Variants in SSBP2 observed in about 807,000 individuals in gnomAD.
SSBP2 encodes single-stranded DNA-binding protein 2.
SSBP2 carries 17 observed loss-of-function variants against 61.8 expected under a neutral mutation model. That is an observed-to-expected ratio of 0.28 (90% confidence interval 0.19 to 0.41). SSBP2 has a LOEUF of 0.41. Among genes scored for constraint, SSBP2 ranks in the 10% least tolerant of loss-of-function variants. The probability of loss-of-function intolerance (pLI) is 1.00; values close to 1 mark genes in which losing one functional copy is unlikely to be tolerated. For synonymous variants in SSBP2, 139 were observed against 141.3 expected, an observed-to-expected ratio of 0.98 and a Z score of 0.12; for missense variants, 310 against 458.7, an observed-to-expected ratio of 0.68 and a Z score of 2.96.
intron 4 of SSBP2, among the ~76,000 whole-genome samples, chr5:81,516,689 T>C (rs1283972743): frequency 1.3e-5 from 2 of 152,104 alleles, no homozygotes; most frequent in Non-Finnish European, 2.9e-5. Flanking sequence ...GTACACTAAA[T>C]GGTGCTCTCA....
intron 4 of SSBP2, among the ~76,000 whole-genome samples, chr5:81,543,634 A>T (rs868163984): frequency 6.6e-6 from 1 of 152,154 alleles, no homozygotes; most frequent in African/African-American, 2.4e-5. Context: ...AAACCTACAT[A>T]TATGTATCCT....
intron 5 of SSBP2, among the ~76,000 whole-genome samples, chr5:81,509,744 A>C (rs1407678439): frequency 6.6e-6 from 1 of 152,196 alleles, no homozygotes; most frequent in Non-Finnish European, 1.5e-5. Context: ...TATCAAATTC[A>C]AATATATCTG....
chr5:81,477,909 T>A (rs532022553), intron 6 of SSBP2, among the ~76,000 whole-genome samples: 70 of 152,122 alleles, frequency 4.6e-4, no homozygotes, highest in Non-Finnish European at 9.4e-4. Flanking sequence ...GAATGAGAAG[T>A]AAGAAGATAA....
chr5:81,676,028 T>C (rs529168210), intron 1 of SSBP2, among the ~76,000 whole-genome samples: 5 of 152,182 alleles, frequency 3.3e-5, no homozygotes, highest in Non-Finnish European at 7.3e-5. Context: ...GCTGCAGATG[T>C]ATTTATTCAA....
intron 2 of SSBP2, among the ~76,000 whole-genome samples, chr5:81,637,700 G>A (rs766726007): frequency 5.9e-5 from 9 of 152,138 alleles, no homozygotes; most frequent in Non-Finnish European, 1.3e-4. Context: ...AAACTGGTTA[G>A]TACATGAAAA....
intron 10 of SSBP2, among the ~76,000 whole-genome samples, chr5:81,450,203 T>G (rs1286182343): frequency 6.6e-6 from 1 of 152,102 alleles, no homozygotes; most frequent in Non-Finnish European, 1.5e-5. Flanking sequence ...TTTAATTTTT[T>G]GTAGAGATGG....
chr5:81,539,417 T>C (rs1428460849), intron 4 of SSBP2, among the ~76,000 whole-genome samples: 70 of 152,188 alleles, frequency 4.6e-4, no homozygotes, highest in Admixed American at 4.5e-3. Context: ...CTGAAACGAT[T>C]ACAAAAGATT....
chr5:81,635,113 G>A (rs1012422924), intron 3 of SSBP2, among the ~76,000 whole-genome samples: 6 of 152,072 alleles, frequency 3.9e-5, no homozygotes. Context: ...GGTTTGCATG[G>A]AGAAACAGGC....
At chr5:81,743,395 C>G (rs1365089077) in intron 1 of SSBP2, among the ~76,000 whole-genome samples, 1 of 152,176 alleles carries the variant, frequency 6.6e-6, no homozygotes, top group African/African-American at 2.4e-5. Flanking sequence ...CCCAATCTAG[C>G]ATAGCCTCCC....
At chr5:81,573,726 A>C (rs982609971) in intron 4 of SSBP2, among the ~76,000 whole-genome samples, 1 of 152,220 alleles carries the variant, frequency 6.6e-6, no homozygotes, top group African/African-American at 2.4e-5. Flanking sequence ...ACACAATAAA[A>C]AAATCCAGGG....
chr5:81,679,432 A>G (rs752585936), intron 1 of SSBP2, among the ~76,000 whole-genome samples: 1 of 152,242 alleles, frequency 6.6e-6, no homozygotes, highest in African/African-American at 2.4e-5. Context: ...GACAGCAACA[A>G]TAAAAGGAAT....
chr5:81,652,600 T>C (rs917089603), intron 1 of SSBP2, among the ~76,000 whole-genome samples: 10 of 152,178 alleles, frequency 6.6e-5, no homozygotes, highest in Non-Finnish European at 1.5e-4. Flanking sequence ...CTACCTCATA[T>C]ATTCATGTTC....
At position 81,746,683 on chromosome 5, in the gene SSBP2, T is replaced by C. The variant is rs1473266880; in HGVS notation, c.62+4298A>G. Among the ~76,000 whole-genome samples the C allele has an allele frequency of 4.6e-5, 7 of 152,122 alleles. No individual in the cohort carries two copies. In the South Asian group the frequency reaches 1.0e-3, roughly 23 times the overall value. On this transcript the variant is annotated intron_variant, in intron 1 of 16. Transcript: ENST00000320672. ...TGCTTCTTGGTATATTCAACTAACA[T>C]TGAAAATTTAAAAGCCAAAGTTACT...
chr5:81,731,006 T>G (rs1211235691), intron 1 of SSBP2, among the ~76,000 whole-genome samples: 1 of 152,234 alleles, frequency 6.6e-6, no homozygotes, highest in Non-Finnish European at 1.5e-5. Context: ...TTCACATTGT[T>G]GTGAAACAGA....
intron 1 of SSBP2, among the ~76,000 whole-genome samples, chr5:81,717,902 A>G (rs992628218): frequency 5.3e-5 from 8 of 152,342 alleles, no homozygotes; most frequent in African/African-American, 1.9e-4. Context: ...ACCAGAGCCA[A>G]TCAATGGAGG....
intron 1 of SSBP2, among the ~76,000 whole-genome samples, chr5:81,729,877 T>C (rs1365523770): frequency 6.6e-6 from 1 of 152,256 alleles, no homozygotes; most frequent in East Asian, 1.9e-4. Flanking sequence ...AATAAGTGGT[T>C]ATATAGATAG....
intron 3 of SSBP2, among the ~76,000 whole-genome samples, chr5:81,634,078 G>T (rs1263145018): frequency 6.6e-6 from 1 of 152,210 alleles, no homozygotes; most frequent in East Asian, 1.9e-4. Flanking sequence ...TGAAAGACTG[G>T]TTCAGGCCAT....
rs181273411 is a variant in SSBP2 at position 81,723,063 on chromosome 5, C to A, written c.62+27918G>T. On this transcript the variant is annotated intron_variant, in intron 1 of 16. Transcript: ENST00000320672. ...AGCCAGAAACTCTTATTCTTCTTTCCTTTCTTTATGCTAATTAAAGAAGTT... is the reference window on the plus strand; with the variant it reads ...AGCCAGAAACTCTTATTCTTCTTTCATTTCTTTATGCTAATTAAAGAAGTT... Among the ~76,000 whole-genome samples, 483 of 152,010 alleles carry A rather than the reference C, an allele frequency of 3.2e-3. 9 individuals carry two copies. Among genetic ancestry groups the A allele is most frequent in the East Asian group, 1.7e-3 (9 of 5,184 alleles).
intron 5 of SSBP2, among the ~76,000 whole-genome samples, chr5:81,489,921 G>A (rs1766727715): frequency 6.6e-6 from 1 of 151,954 alleles, no homozygotes; most frequent in African/African-American, 2.4e-5. Context: ...GGGAGGCTGA[G>A]GCCAAAGGAC....
Sources: allele counts gnomAD v4.1 joint callset (sites outside exome capture counted in the v4.1 genomes callset), GRCh38; gene constraint gnomAD v4.1.1; transcripts MANE v1.5; gene names NCBI Gene and HGNC (gene_info 2026-07-23, HGNC 2026-07-21).